Variants in MTFR1 observed in about 807,000 individuals in gnomAD.
MTFR1 encodes the protein mitochondrial fission regulator 1.
In MTFR1, 28 loss-of-function variants were observed where a neutral mutation model predicts 38.8. The ratio of observed to expected loss-of-function variants is 0.72; its 90% CI spans 0.53 to 0.99. MTFR1 has a LOEUF of 0.99. Among genes scored for constraint, MTFR1 ranks in the 50% least tolerant of loss-of-function variants. The pLI is 0.00. For missense variants in MTFR1, 358 were observed against 395.5 expected (o/e 0.91, Z 0.81); for synonymous variants, 145 against 137.0 (o/e 1.06, Z -0.41).
At chr8:65,756,396 G>A (rs967279126) in intron 3 of MTFR1, among the ~76,000 whole-genome samples, 2 of 152,102 alleles carry the variant, frequency 1.3e-5, no homozygotes, top group East Asian at 1.9e-4. Flanking sequence ...ACACTTGATG[G>A]TGCCACCAGT....
rs34665689 is a variant in MTFR1, at chr8:65,654,064, C to CAAA, written c.-81+9296_-81+9298dup. 7.2e-5 allele frequency among the ~76,000 whole-genome samples: 6 copies of CAAA among 83,650 alleles called. No individual in the cohort carries two copies. In the East Asian group the frequency reaches 1.4e-3, roughly 19 times the overall value. 54.9% of individuals were successfully genotyped at this position (83,650 alleles called of 152,430 possible). On this transcript the variant is annotated intron_variant, in intron 1 of 7. Transcript: ENST00000262146. ...GGTGACAGAGTGAGACTTTGTCTCTCAAAAAAAAAAAAAAAAAAGGAAAAT... is the reference window on the plus strand; with the variant it reads ...GGTGACAGAGTGAGACTTTGTCTCTCAAAAAAAAAAAAAAAAAAAAAGGAAAAT...
chr8:65,719,247 C>G (rs781263385), intron 2 of MTFR1: 8 of 1,427,316 alleles, frequency 5.6e-6, no homozygotes, highest in South Asian at 1.1e-5. Context: ...TTTCACATTT[C>G]TAAAAACCTC....
At chr8:65,671,666 T>C (rs1381905289) in intron 2 of MTFR1, among the ~76,000 whole-genome samples, 2 of 152,184 alleles carry the variant, frequency 1.3e-5, no homozygotes, top group African/African-American at 4.8e-5. Context: ...GTTTTTGTTA[T>C]TTATGATTTC....
intron 3 of MTFR1, among the ~76,000 whole-genome samples, chr8:65,744,549 T>C (rs550775013): frequency 6.6e-6 from 1 of 152,228 alleles, no homozygotes; most frequent in Admixed American, 6.5e-5. Context: ...TGTGGGCATT[T>C]TCCCCCAAAC....
intron 2 of MTFR1, among the ~76,000 whole-genome samples, chr8:65,676,927 C>CTAA (rs1359862678): frequency 1.3e-5 from 2 of 152,238 alleles, no homozygotes; most frequent in African/African-American, 2.4e-5. Context: ...CTTTCAAACA[C>CTAA]TGTTGCTAAA....
At chr8:65,682,691 G>A in intron 3 of MTFR1, 1 of 834,998 alleles carries the variant, frequency 1.2e-6, no homozygotes, top group Non-Finnish European at 1.4e-6. Context: ...AGATTTAGGA[G>A]CATATAATAA....
Position 65,662,943 on chromosome 8 carries a change from C to T in MTFR1, c.-80-6930C>T, listed in dbSNP as rs183164239. 5.6e-3 allele frequency among the ~76,000 whole-genome samples: 841 copies of T among 151,184 alleles called. 6 individuals are homozygous for T. Among genetic ancestry groups the T allele is most frequent in the South Asian group, 0.024 (115 of 4,790 alleles). ...CCCCCCGCCTGGCCAGCCACCCCGT[C>T]CGGGAGATGAGGGGCGCCTCTGCCC... On this transcript the variant is annotated intron_variant, in intron 1 of 7. Coordinates refer to ENST00000262146, the MANE Select transcript of MTFR1 (RefSeq NM_014637.4).
chr8:65,710,730 C>G (rs999598363), downstream of MTFR1, among the ~76,000 whole-genome samples: 7 of 152,226 alleles, frequency 4.6e-5, no homozygotes, highest in African/African-American at 1.4e-4. Context: ...GAGATCTCAG[C>G]ATTAAAACAG....
intron 3 of MTFR1, among the ~76,000 whole-genome samples, chr8:65,745,156 C>G (rs1355116486): frequency 6.6e-6 from 1 of 152,174 alleles, no homozygotes; most frequent in East Asian, 1.9e-4. Context: ...GTAAGATGTG[C>G]CTTTCACCTT....
At chr8:65,750,322 C>T (rs1339163533) in intron 3 of MTFR1, among the ~76,000 whole-genome samples, 1 of 152,116 alleles carries the variant, frequency 6.6e-6, no homozygotes, top group Non-Finnish European at 1.5e-5. Context: ...TAACCTAAAG[C>T]AGAGTTCAAG....
chr8:65,671,541 A>T (rs923314086), intron 2 of MTFR1, among the ~76,000 whole-genome samples: 2 of 111,622 alleles, frequency 1.8e-5, no homozygotes, highest in Non-Finnish European at 3.7e-5. Context: ...CCCTATCTTT[A>T]AAAAAAAAAA....
At chr8:65,760,194 C>T (rs1016127123) in intron 3 of MTFR1, among the ~76,000 whole-genome samples, 1 of 152,082 alleles carries the variant, frequency 6.6e-6, no homozygotes, top group African/African-American at 2.4e-5. Flanking sequence ...GAGCTAAGAT[C>T]GTGCTACTGC....
At chr8:65,751,570 G>A (rs1025858271) in intron 3 of MTFR1, among the ~76,000 whole-genome samples, 5 of 151,760 alleles carry the variant, frequency 3.3e-5, no homozygotes, top group African/African-American at 9.7e-5. Context: ...TCGGCTCACC[G>A]CAACCTCCGC....
rs79326532 is a variant in MTFR1, at chr8:65,693,401, C to T, written c.166-243C>T. Among the ~76,000 whole-genome samples the T allele has an allele frequency of 2.3e-5, 3 of 131,492 alleles. No individual in the cohort carries two copies. In the East Asian group the frequency reaches 6.7e-4, roughly 29 times the overall value. The allele number at this position is 131,492 out of a possible 152,430, so 86.3% of individuals were successfully genotyped here. A position where few individuals can be genotyped will look rare whatever the true frequency, so the allele number is the denominator to read the frequency against. On this transcript the variant is annotated intron_variant, in intron 3 of 7. Transcript: ENST00000262146. ...TGGGCGACAGAGCTAGACTTTGTCT[C>T]AAAAAAAAAAAAATCAACTTATAAA... is the stretch of plus-strand genomic sequence containing the variant.
At position 65,655,953 on chromosome 8, in the gene MTFR1, TATATATATATATATACC is replaced by T. The variant is rs1395440147; in HGVS notation, c.-81+11184_-81+11200del. 5.9e-4 allele frequency among the ~76,000 whole-genome samples: 22 copies of T among 37,110 alleles called. 2 individuals carry two copies. The highest frequency in any genetic ancestry group is 1.5e-3 in the African/African-American group (10 of 6,704). The allele number at this position is 37,110 out of a possible 152,430, so 24.3% of individuals were successfully genotyped here. A position where few individuals can be genotyped will look rare whatever the true frequency, so the allele number is the denominator to read the frequency against. On this transcript the variant is annotated intron_variant, in intron 1 of 7. Transcript: ENST00000262146. ...CAAGACTCTGTCTTAAAAAAAAAAA[TATATATATATATATACC>T]ATATATATATATATGGTAGTGGGTT...
chr8:65,778,060 A>G, the MTFR1 span, among the ~76,000 whole-genome samples: 1 of 152,180 alleles, frequency 6.6e-6, no homozygotes, highest in Non-Finnish European at 1.5e-5. Flanking sequence ...GTGCCAGATT[A>G]CAGATGGGAG....
At chr8:65,714,026 C>G (rs891279735), downstream of MTFR1, among the ~76,000 whole-genome samples, 14 of 151,722 alleles carry the variant, frequency 9.2e-5, no homozygotes, top group African/African-American at 3.4e-4. Context: ...GATATGGTGT[C>G]ATTTTTATCA....
chr8:65,687,214 G>C (rs1805112877), intron 3 of MTFR1, among the ~76,000 whole-genome samples: 1 of 152,184 alleles, frequency 6.6e-6, no homozygotes, highest in Middle Eastern at 3.4e-3. Context: ...ATTGTATATT[G>C]AAAATCACTG....
chr8:65,722,949 G>A (rs1455793215), intron 3 of MTFR1: 1 of 152,208 alleles, frequency 6.6e-6, no homozygotes, highest in East Asian at 1.9e-4. Context: ...GAGGCACAAA[G>A]AGCGAAAGAA....
Sources: allele counts gnomAD v4.1 joint callset (sites outside exome capture counted in the v4.1 genomes callset), GRCh38; gene constraint gnomAD v4.1.1; transcripts MANE v1.5; gene names NCBI Gene and HGNC (gene_info 2026-07-23, HGNC 2026-07-21).